Variants in SYN2 observed in about 807,000 individuals in gnomAD.
SYN2 encodes the protein synapsin-2.
A neutral mutation model predicts 50.9 loss-of-function variants in SYN2; 19 were observed. That is an observed-to-expected ratio of 0.37 (90% CI 0.26 to 0.55). The LOEUF (loss-of-function observed/expected upper bound fraction) is 0.55, where lower values mean the gene tolerates loss of function less well. SYN2 is among the 20% of genes least tolerant of loss of function. The probability of loss-of-function intolerance (pLI) is 0.81; values close to 1 mark genes in which losing one functional copy is unlikely to be tolerated. For missense variants in SYN2, 587 were observed against 576.4 expected, an observed-to-expected ratio of 1.02 and a Z score of -0.19; for synonymous variants, 255 against 224.9, an observed-to-expected ratio of 1.13 and a Z score of -1.20.
Position 12,183,383 on chromosome 3 carries a change from G to T in SYN2, c.1369+11G>T. The T allele has an allele frequency of 1.2e-6, 2 of 1,613,898 alleles. No homozygotes were observed. Among genetic ancestry groups the T allele is most frequent in the Non-Finnish European group, 1.7e-6 (2 of 1,179,856 alleles). ...GGCCACCCCCTCAAGGTTGTTTACAGTATATTCTCGACTGTAATGGCATTG... is the reference window on the plus strand; with the variant it reads ...GGCCACCCCCTCAAGGTTGTTTACATTATATTCTCGACTGTAATGGCATTG... On this transcript the variant is annotated intron_variant, in intron 11 of 12. Coordinates refer to ENST00000621198, the MANE Select transcript of SYN2 (RefSeq NM_133625.6).
intron 12 of SYN2, 121 bp from the exon 13 acceptor site, chr3:12,190,369 C>A: frequency 8.7e-7 from 1 of 1,153,170 alleles, no homozygotes; most frequent in South Asian, 1.3e-5. Flanking sequence ...CATTATCCTC[C>A]ATCACCTTGG....
At chr3:12,070,991 A>G (rs1193678054) in intron 1 of SYN2, 2 of 549,414 alleles carry the variant, frequency 3.6e-6, no homozygotes, top group African/African-American at 1.9e-5. Flanking sequence ...ACCATTGGCA[A>G]CAAGTGGTCC....
At chr3:12,028,703 G>A (rs201656971) in intron 1 of SYN2, among the ~76,000 whole-genome samples, 22 of 146,744 alleles carry the variant, frequency 1.5e-4, no homozygotes, top group East Asian at 4.0e-4. Context: ...CATGTCCTTC[G>A]CCCACTTTTT....
At chr3:12,159,521 T>C (rs1447159539) in intron 5 of SYN2, among the ~76,000 whole-genome samples, 1 of 152,050 alleles carries the variant, frequency 6.6e-6, no homozygotes, top group African/African-American at 2.4e-5. Context: ...GGGAGAGATG[T>C]CAAAGAAGCA....
At chr3:12,033,967 A>G (rs1006226852) in intron 1 of SYN2, among the ~76,000 whole-genome samples, 8 of 152,200 alleles carry the variant, frequency 5.3e-5, no homozygotes, top group African/African-American at 1.9e-4. Context: ...CTTCTGTGTA[A>G]TTATAAATAA....
chr3:12,178,035 A>T (rs2125250777), intron 10 of SYN2, among the ~76,000 whole-genome samples: 1 of 152,334 alleles, frequency 6.6e-6, no homozygotes, highest in East Asian at 1.9e-4. Context: ...GCCCAGAAAG[A>T]TCCCAAGGTG....
intron 1 of SYN2, among the ~76,000 whole-genome samples, chr3:12,138,713 G>A (rs1054013749): frequency 6.6e-6 from 1 of 152,230 alleles, no homozygotes; most frequent in Non-Finnish European, 1.5e-5. Context: ...CGAAATGCGA[G>A]GTTATTGTTA....
At chr3:12,094,791 C>A (rs965081264) in intron 1 of SYN2, among the ~76,000 whole-genome samples, 2 of 152,162 alleles carry the variant, frequency 1.3e-5, no homozygotes, top group Non-Finnish European at 2.9e-5. Context: ...AAGAGTAAAG[C>A]ATGACTCCCA....
intron 1 of SYN2, among the ~76,000 whole-genome samples, chr3:12,042,361 G>C (rs1044746249): frequency 6.6e-6 from 1 of 152,190 alleles, no homozygotes; most frequent in Admixed American, 6.5e-5. Flanking sequence ...TCTCACAGTT[G>C]ATAACTGCTC....
intron 1 of SYN2, among the ~76,000 whole-genome samples, chr3:12,121,506 G>GT (rs1453142280): frequency 6.6e-5 from 10 of 150,586 alleles, no homozygotes; most frequent in South Asian, 4.2e-4. Flanking sequence ...CTTGTTTTTT[G>GT]TTTTTTTTGT....
intron 2 of SYN2, among the ~76,000 whole-genome samples, chr3:12,140,940 T>C (rs1697005075): frequency 1.3e-5 from 2 of 152,138 alleles, no homozygotes; most frequent in South Asian, 4.2e-4. Flanking sequence ...CTAGTGTCTG[T>C]AGATGAGCAA....
rs139344610 is a variant in SYN2 at position 12,189,260 on chromosome 3, C to A, written c.1614-1230C>A. Reference sequence around the variant, plus strand: ...CCGCTGGAGAAGCCAGACCTCATGTCCTCTCCTGGAGTACAGGCTGGGCCT... The same window carrying A: ...CCGCTGGAGAAGCCAGACCTCATGTACTCTCCTGGAGTACAGGCTGGGCCT... On this transcript the variant is annotated intron_variant, in intron 12 of 12. Coordinates refer to ENST00000621198, the MANE Select transcript of SYN2 (RefSeq NM_133625.6). Among the ~76,000 whole-genome samples the A allele has an allele frequency of 3.2e-3, 482 of 152,314 alleles. 1 individual carries two copies. Among genetic ancestry groups the A allele is most frequent in the African/African-American group, 0.011 (464 of 41,560 alleles).
At chr3:12,138,927 G>C (rs112127916) in intron 1 of SYN2, among the ~76,000 whole-genome samples, 1 of 152,182 alleles carries the variant, frequency 6.6e-6, no homozygotes, top group Non-Finnish European at 1.5e-5. Context: ...AGAAGTGATA[G>C]TGCCATACTA....
rs548182075 is a variant in SYN2 at position 12,078,639 on chromosome 3, C to G, written c.378-62012C>G. 5.3e-5 allele frequency among the ~76,000 whole-genome samples: 8 copies of G among 152,062 alleles called. No individual in the cohort carries two copies. In the East Asian group the frequency reaches 1.5e-3, roughly 29 times the overall value. On this transcript the variant is annotated intron_variant, in intron 1 of 12. Transcript: ENST00000621198. ...AGATGTGCAGTCTTATTTCTGAGTT[C>G]TCTGTTCTGTTCCATTGGCCTATGT...
intron 1 of SYN2, among the ~76,000 whole-genome samples, chr3:12,016,163 A>G (rs1363534620): frequency 6.6e-6 from 1 of 152,176 alleles, no homozygotes; most frequent in Non-Finnish European, 1.5e-5. Context: ...ACATATGAAT[A>G]TATATTTCCC....
chr3:12,148,468 A>G (rs3773364), intron 4 of SYN2: 23,894 of 152,338 alleles, frequency 0.16, 2,906 homozygotes, highest in East Asian at 0.56. Context: ...GTGTTTCTCA[A>G]TATCTTTACT....
intron 1 of SYN2, among the ~76,000 whole-genome samples, chr3:12,019,103 C>T (rs1694077622): frequency 2.0e-5 from 3 of 152,252 alleles, no homozygotes; most frequent in Non-Finnish European, 2.9e-5. Context: ...CAGATGTGAA[C>T]GTGTTTTCTG....
rs1448829488 is a variant in SYN2 at position 12,184,464 on chromosome 3, C to T, written c.1369+1092C>T. 9.1e-6 allele frequency: 9 copies of T among 985,786 alleles called. 1 individual carries two copies. In the East Asian group the frequency reaches 5.7e-4, roughly 62 times the overall value. The allele number at this position is 985,786 out of a possible 1,614,324, so 61.1% of individuals were successfully genotyped here. ...AGGGATTTGTCCATTCTGCTCTTGG[C>T]CTCTCCTGAGGCCTCATAATGGGAG... On this transcript the variant is annotated intron_variant, in intron 11 of 12. Coordinates refer to ENST00000621198, the MANE Select transcript of SYN2 (RefSeq NM_133625.6).
chr3:12,155,031 TCA>T, intron 5 of SYN2, among the ~76,000 whole-genome samples: 1 of 13,736 alleles, frequency 7.3e-5, no homozygotes. Flanking sequence ...TTTTCACCTT[TCA>T]GACGAGATCG....
Sources: gnomAD v4.1 joint callset for allele counts (sites outside exome capture counted in the v4.1 genomes callset) on GRCh38, gnomAD v4.1.1 for gene constraint, MANE v1.5 for transcripts, NCBI Gene and HGNC (gene_info 2026-07-23, HGNC 2026-07-21) for gene names.